Variants in DROSHA observed in about 807,000 individuals in gnomAD.
The protein encoded by DROSHA is ribonuclease 3.
Under a neutral mutation model 181.9 loss-of-function variants are expected in DROSHA, and 56 were observed. The observed-to-expected ratio is 0.31, with a 90% CI of 0.25 to 0.38. DROSHA has a LOEUF of 0.38. Among genes scored for constraint, DROSHA ranks in the 10% least tolerant of loss-of-function variants. The probability of loss-of-function intolerance (pLI) is 1.00; values close to 1 mark genes in which losing one functional copy is unlikely to be tolerated. For missense variants in DROSHA, 1,218 were observed against 1,743.5 expected (o/e 0.70, Z 5.37); for synonymous variants, 524 against 591.2 (o/e 0.89, Z 1.65).
chr5:31,438,477 G>C (rs897348569), intron 23 of DROSHA, among the ~76,000 whole-genome samples: 4 of 152,194 alleles, frequency 2.6e-5, no homozygotes, highest in African/African-American at 9.7e-5. Context: ...GAAGCTAAGT[G>C]AAAGAAAAGA....
At chr5:31,502,871 T>C (rs922147983) in intron 11 of DROSHA, among the ~76,000 whole-genome samples, 1 of 152,198 alleles carries the variant, frequency 6.6e-6, no homozygotes, top group Non-Finnish European at 1.5e-5. Flanking sequence ...GCAGTGTACC[T>C]GGTCATCCAC....
intron 27 of DROSHA, among the ~76,000 whole-genome samples, chr5:31,429,040 A>ATTT: frequency 6.6e-6 from 1 of 152,338 alleles, no homozygotes; most frequent in East Asian, 1.9e-4. Context: ...CTGACATTTA[A>ATTT]AAATAAATAA....
At chr5:31,404,437 G>A (rs1182689311) in intron 35 of DROSHA, among the ~76,000 whole-genome samples, 1 of 152,136 alleles carries the variant, frequency 6.6e-6, no homozygotes, top group African/African-American at 2.4e-5. Context: ...CCCTGAACAG[G>A]AAACTTTGCT....
intron 30 of DROSHA, among the ~76,000 whole-genome samples, chr5:31,419,548 G>A (rs1307878107): frequency 7.8e-6 from 1 of 127,840 alleles, no homozygotes; most frequent in Admixed American, 8.6e-5. Context: ...TTTGGTTTCC[G>A]TACTGTTCAA....
rs368331662 is a variant in DROSHA at position 31,529,042 on chromosome 5, T to C, written c.18A>G (p.Thr6=). The change falls in exon 4 of 36, where the codon ACA becomes ACG. Residue 6 remains threonine (T), a splice_region_variant and synonymous_variant. Transcript: ENST00000344624. MMQGN[T]CHRMSFHPGR... ...GCCATTCCCATCACGGCACTCACCA[T>C]GTGTTTCCCTGCATCATGATGTTCC... 2.8e-5 allele frequency: 45 copies of C among 1,613,210 alleles called. 1 individual carries two copies. Among genetic ancestry groups the C allele is most frequent in the Admixed American group, 1.7e-4 (10 of 59,954 alleles).
chr5:31,525,412 G>C (rs894289734), intron 5 of DROSHA, among the ~76,000 whole-genome samples: 3 of 143,382 alleles, frequency 2.1e-5, no homozygotes, highest in Non-Finnish European at 4.5e-5. Context: ...GCTGAGGTGA[G>C]AGAATTGCTT....
intron 25 of DROSHA, among the ~76,000 whole-genome samples, chr5:31,432,410 G>A (rs904795720): frequency 4.6e-5 from 7 of 152,176 alleles, no homozygotes; most frequent in African/African-American, 1.4e-4. Context: ...GGGATTACAG[G>A]TGTGAGCCAC....
At chr5:31,466,050 G>T in intron 19 of DROSHA, 132 bp downstream of exon 19, 1 of 842,046 alleles carries the variant, frequency 1.2e-6, no homozygotes, top group Non-Finnish European at 1.8e-6. Context: ...ATGGGGGGAG[G>T]AGGGTAAAGT....
chr5:31,519,886 T>G (rs1739691940), intron 6 of DROSHA, among the ~76,000 whole-genome samples: 1 of 152,234 alleles, frequency 6.6e-6, no homozygotes, highest in Non-Finnish European at 1.5e-5. Flanking sequence ...CTCTATCTGT[T>G]ATTTTAACAA....
At chr5:31,525,329 C>CAA (rs34043904) in intron 5 of DROSHA, among the ~76,000 whole-genome samples, 1,637 of 45,694 alleles carry the variant, frequency 0.036, 113 homozygotes, top group East Asian at 0.17. Context: ...GACTTCATCT[C>CAA]AAAAAAAAAA....
intron 6 of DROSHA, among the ~76,000 whole-genome samples, chr5:31,519,215 A>T (rs530474423): frequency 6.6e-6 from 1 of 152,254 alleles, no homozygotes; most frequent in East Asian, 1.9e-4. Flanking sequence ...AACCGAGGCT[A>T]TTTCCAGCAC....
chr5:31,421,154 A>T (rs1220980507), intron 30 of DROSHA, 118 bp downstream of exon 30: 1 of 780,522 alleles, frequency 1.3e-6, no homozygotes, highest in Non-Finnish European at 2.1e-6. Flanking sequence ...AACAAAGCCA[A>T]TGATAAGCTA....
At chr5:31,410,292 C>T (rs191255123) in intron 31 of DROSHA, among the ~76,000 whole-genome samples, 10 of 152,300 alleles carry the variant, frequency 6.6e-5, no homozygotes, top group East Asian at 5.8e-4. Context: ...CAGACCATAT[C>T]GGAAACTGCA....
chr5:31,483,497 C>G lies in DROSHA; in HGVS notation c.2071+57G>C. The G allele has an allele frequency of 2.6e-6, 4 of 1,563,820 alleles. No individual in the cohort carries two copies. The South Asian group carries it at 4.5e-5, about 18-fold the overall frequency. ...TCCCTGAAGACTGAAAGGAAAATGG[C>G]AAGCTTATTTTCAGATGCACTATCT... On this transcript the variant is annotated intron_variant, in intron 16 of 35. Coordinates refer to ENST00000344624, the MANE Select transcript of DROSHA (RefSeq NM_001382508.1).
intron 26 of DROSHA, among the ~76,000 whole-genome samples, chr5:31,429,904 A>G (rs1424264290): frequency 3.9e-5 from 6 of 152,192 alleles, no homozygotes. Flanking sequence ...CATTTATAGT[A>G]TACGTTTCAG....
At chr5:31,439,975 T>C (rs1437410421) in intron 23 of DROSHA, among the ~76,000 whole-genome samples, 1 of 152,048 alleles carries the variant, frequency 6.6e-6, no homozygotes, top group African/African-American at 2.4e-5. Context: ...AACCCACATC[T>C]CCCCAAATAA....
At chr5:31,403,383 T>C (rs1239302684) in intron 35 of DROSHA, among the ~76,000 whole-genome samples, 1 of 152,156 alleles carries the variant, frequency 6.6e-6, no homozygotes. Context: ...TACATATATA[T>C]GCAATGTAAA....
chr5:31,443,425 T>C (rs1309700179), intron 23 of DROSHA, among the ~76,000 whole-genome samples: 1 of 152,084 alleles, frequency 6.6e-6, no homozygotes, highest in Non-Finnish European at 1.5e-5. Context: ...ACTCTTCTGG[T>C]CCCTCCTTCC....
At chr5:31,492,183 C>T in intron 13 of DROSHA, among the ~76,000 whole-genome samples, 1 of 152,200 alleles carries the variant, frequency 6.6e-6, no homozygotes, top group East Asian at 1.9e-4. Flanking sequence ...TTTTACATTA[C>T]AATGTAATCA....
Sources: allele counts gnomAD v4.1 joint callset (sites outside exome capture counted in the v4.1 genomes callset), GRCh38; gene constraint gnomAD v4.1.1; transcripts MANE v1.5; gene names NCBI Gene and HGNC (gene_info 2026-07-23, HGNC 2026-07-21).